CACNA1H: variants seen among roughly 807,000 people sequenced by gnomAD.
CACNA1H encodes voltage-dependent T-type calcium channel subunit alpha-1H.
In CACNA1H, 149 loss-of-function variants were observed where a neutral mutation model predicts 192.5. The observed-to-expected ratio is 0.77, with a 90% CI of 0.68 to 0.89. CACNA1H has a LOEUF of 0.89. Among genes scored for constraint, CACNA1H ranks in the 40% least tolerant of loss-of-function variants. The probability of loss-of-function intolerance (pLI) is 0.00; values close to 1 mark genes in which losing one functional copy is unlikely to be tolerated. For missense variants in CACNA1H, 4,257 were observed against 3,423.5 expected (o/e 1.24, Z -6.08); for synonymous variants, 2,202 against 1,475.2 (o/e 1.49, Z -11.29).
intron 7 of CACNA1H, 43 bp downstream of exon 7, chr16:1,200,614 G>T (rs750648909): frequency 6.2e-7 from 1 of 1,605,538 alleles, no homozygotes; most frequent in African/African-American, 1.3e-5. Context: ...GGGCACGGCA[G>T]GGGAGCGGGT....
intron 30 of CACNA1H, 39 bp downstream of exon 30, chr16:1,215,632 G>A (rs559810108): frequency 6.4e-6 from 10 of 1,568,396 alleles, no homozygotes; most frequent in African/African-American, 1.4e-5. Context: ...CAGGCCCCCG[G>A]AAGACGGGGT....
chr16:1,217,669 C>T (rs371573284), intron 31 of CACNA1H, among the ~76,000 whole-genome samples: 3 of 152,244 alleles, frequency 2.0e-5, no homozygotes, highest in Non-Finnish European at 4.4e-5. Context: ...AATAATGATT[C>T]TTCCATGGCA....
intron 17 of CACNA1H, 46 bp from the exon 18 acceptor site, chr16:1,209,989 G>GGGCA (rs1567536773): frequency 1.4e-6 from 2 of 1,440,776 alleles, no homozygotes; most frequent in Non-Finnish European, 1.9e-6. Flanking sequence ...ATGGGGGGCC[G>GGGCA]GGCAGGCAGG....
chr16:1,177,591 G>C (rs890837731), intron 2 of CACNA1H, among the ~76,000 whole-genome samples: 5 of 152,120 alleles, frequency 3.3e-5, no homozygotes, highest in African/African-American at 4.8e-5. Flanking sequence ...AGGCTTGGGA[G>C]GGGGCGTCCT....
At chr16:1,158,871 G>T (rs1208851117) in intron 2 of CACNA1H, among the ~76,000 whole-genome samples, 1 of 149,552 alleles carries the variant, frequency 6.7e-6, no homozygotes, top group East Asian at 1.9e-4. Flanking sequence ...CGCACCCCTG[G>T]CCCCGCAGGG....
chr16:1,219,123 G>A lies in CACNA1H; in HGVS notation c.6041G>A (p.Cys2014Tyr). Residue 2014 changes from cysteine to tyrosine, a missense_variant, in exon 34 of 35, where the codon TGC becomes TAC. Cys to Tyr is a radical substitution (Grantham distance 194). Coordinates refer to ENST00000348261, the MANE Select transcript of CACNA1H (RefSeq NM_021098.3). ...ARSPSLSRLL[C>Y]RQEAVHTDSL... ...TCCCCCAGTCTCAGCCGGCTGCTCT[G>A]CAGACAGGTAGGAGAAGCCGTTGGC... 1.3e-6 allele frequency: 2 copies of A among 1,538,452 alleles called. No homozygotes were observed. Among genetic ancestry groups the A allele is most frequent in the East Asian group, 2.5e-5 (1 of 40,618 alleles).
rs183867993 is a variant in CACNA1H, at chr16:1,167,934, C to T, written c.299+13898C>T. Among the ~76,000 whole-genome samples, 33 of 152,316 alleles carry T rather than the reference C, an allele frequency of 2.2e-4. No homozygotes were observed. Among genetic ancestry groups the T allele is most frequent in the African/African-American group, 7.7e-4 (32 of 41,568 alleles). On this transcript the variant is annotated intron_variant, in intron 2 of 34. Transcript: ENST00000348261. This position sits in a 1 kb window ranked among gnomAD's most constrained non-coding sequence, Gnocchi z 4.2. ...CCAGTGCGTGGAGCACGTGGGGCCT[C>T]AGGAGCCAGGCCTGTTCCCCGGGGC...
chr16:1,155,083 T>C (rs1347114147), intron 2 of CACNA1H, among the ~76,000 whole-genome samples: 1 of 152,236 alleles, frequency 6.6e-6, no homozygotes, highest in African/African-American at 2.4e-5. Context: ...TTCCCTACCT[T>C]GTGTGTTTAA....
At chr16:1,201,384 C>T (rs191134646) in intron 8 of CACNA1H, among the ~76,000 whole-genome samples, 1 of 152,208 alleles carries the variant, frequency 6.6e-6, no homozygotes, top group Admixed American at 6.5e-5. Context: ...CATCTCAAGG[C>T]CAGATCTGCA....
At chr16:1,163,123 G>A (rs935462683) in intron 2 of CACNA1H, among the ~76,000 whole-genome samples, 13 of 152,220 alleles carry the variant, frequency 8.5e-5, no homozygotes, top group African/African-American at 2.7e-4. Context: ...GCAGAAAGGT[G>A]TAGGTGTGGG....
rs773959483 is a variant in CACNA1H at position 1,215,317 on chromosome 16, C to T, written c.5115C>T (p.Ala1705=). Residue 1705 remains alanine (A), a synonymous_variant, in exon 29 of 35, where the codon GCC becomes GCT. Transcript: ENST00000348261. ...GITLEEIEMS[A]ALPINPTIIR... is the part of the protein sequence containing the mutation. ...CGCTGGAGGAGATAGAGATGAGCGC[C>T]GCGCTGCCCATCAACCCCACCATCA... 5.6e-6 allele frequency: 9 copies of T among 1,611,150 alleles called. No individual in the cohort carries two copies. Among genetic ancestry groups the T allele is most frequent in the East Asian group, 2.2e-5 (1 of 44,830 alleles).
At position 1,220,985 on chromosome 16, in the gene CACNA1H, C is replaced by T. The variant is rs771924038; in HGVS notation, c.7053C>T (p.Asp2351=). Residue 2351 remains aspartate (D), a synonymous_variant, in exon 35 of 35, where the codon GAC becomes GAT. Coordinates refer to ENST00000348261, the MANE Select transcript of CACNA1H (RefSeq NM_021098.3). The stretch of plus-strand genomic sequence containing the variant: ...CTGCCCCAGGGGGTGGTGCAGATGA[C>T]CCCGTGTAGCTCGGGGCTTGGTGCC... ...ATPAPGGGAD[D]PV The T allele has an allele frequency of 1.3e-6, 2 of 1,580,546 alleles. No homozygotes were observed. Among genetic ancestry groups the T allele is most frequent in the South Asian group, 1.2e-5 (1 of 86,922 alleles).
chr16:1,182,553 A>G (rs1965581803), intron 2 of CACNA1H, among the ~76,000 whole-genome samples: 1 of 152,086 alleles, frequency 6.6e-6, no homozygotes, highest in African/African-American at 2.4e-5. Context: ...CCCACCCCCA[A>G]CTGCCCGTGT....
intron 34 of CACNA1H, 28 bp from the exon 35 acceptor site, chr16:1,219,953 C>T (rs746331906): frequency 1.6e-6 from 2 of 1,276,840 alleles, no homozygotes; most frequent in Non-Finnish European, 9.9e-7. Flanking sequence ...AGGGCCCCGC[C>T]CCTCACTTTG....
chr16:1,213,838 G>T lies in CACNA1H; in HGVS notation c.4836G>T (p.Ser1612=), dbSNP rs58033848. ...DYSPTRRSIH[S]LCTSHYLDLF... is the part of the protein sequence containing the mutation. ...CGCCCACGCGCCGCTCCATTCACTCGCTGTGCACCAGCCACTATCTCGACC... is the reference window on the plus strand; with the variant it reads ...CGCCCACGCGCCGCTCCATTCACTCTCTGTGCACCAGCCACTATCTCGACC... The change falls in exon 27 of 35, where the codon TCG becomes TCT. Residue 1612 remains serine (S), a synonymous_variant. Transcript: ENST00000348261. 7.5e-6 allele frequency: 12 copies of T among 1,599,092 alleles called. No individual in the cohort carries two copies. The highest frequency in any genetic ancestry group is 5.3e-5 in the African/African-American group (4 of 74,862).
At chr16:1,168,731 G>A (rs920704896) in intron 2 of CACNA1H, among the ~76,000 whole-genome samples, 1 of 152,112 alleles carries the variant, frequency 6.6e-6, no homozygotes, top group African/African-American at 2.4e-5. Context: ...AGGGCACCAT[G>A]CCCCACTCTG....
At chr16:1,176,032 G>A (rs556302398) in intron 2 of CACNA1H, among the ~76,000 whole-genome samples, 26 of 152,300 alleles carry the variant, frequency 1.7e-4, no homozygotes, top group African/African-American at 2.2e-4. Context: ...TCGTGGAGGC[G>A]CCTCCCACTC....
chr16:1,217,151 C>T (rs545359958), intron 31 of CACNA1H, 141 bp downstream of exon 31: 20 of 698,476 alleles, frequency 2.9e-5, no homozygotes, highest in East Asian at 1.4e-4. Flanking sequence ...CGTCCTCACC[C>T]GGCCCTGCTT....
rs751125584 is a variant in CACNA1H at position 1,204,372 on chromosome 16, A to G, written c.2365A>G (p.Ile789Val). 1.0e-5 allele frequency: 16 copies of G among 1,569,004 alleles called. No individual in the cohort carries two copies. The highest frequency in any genetic ancestry group is 3.6e-5 in the Admixed American group (2 of 54,836). Reference protein sequence around the residue: ...WVTFSGKLRRIVDSKYFSRGI... With the variant: ...WVTFSGKLRRVVDSKYFSRGI... ...TACCTTCAGCGGCAAGCTGCGCCGC[A>G]TCGTGGACAGCAAGTACTTCAGCCG... Residue 789 changes from isoleucine (I) to valine (V), a missense_variant, in exon 10 of 35, where the codon ATC (isoleucine) becomes GTC (valine). By Grantham distance (29) the Ile-to-Val change is conservative (BLOSUM62 3). Transcript: ENST00000348261.
Sources: allele counts gnomAD v4.1 joint callset (sites outside exome capture counted in the v4.1 genomes callset), GRCh38; gene constraint gnomAD v4.1.1; non-coding constraint Gnocchi (gnomAD v3.1); transcripts MANE v1.5; gene names NCBI Gene and HGNC (gene_info 2026-07-23, HGNC 2026-07-21).